ARHGEF3: variants seen among roughly 807,000 people sequenced by gnomAD.
ARHGEF3 encodes the protein 59.8 kDA protein.
In ARHGEF3, 28 loss-of-function variants were observed where a neutral mutation model predicts 63.2. The ratio of observed to expected loss-of-function variants is 0.44; its 90% CI spans 0.33 to 0.61. The LOEUF (loss-of-function observed/expected upper bound fraction) is 0.61. Ranked by LOEUF, ARHGEF3 falls within the 20% of genes least tolerant of loss-of-function variation. The probability of loss-of-function intolerance (pLI) is 0.03; values close to 1 mark genes in which losing one functional copy is unlikely to be tolerated. For missense variants in ARHGEF3, 533 were observed against 659.3 expected, an observed-to-expected ratio of 0.81 and a Z score of 2.10; for synonymous variants, 266 against 254.2, an observed-to-expected ratio of 1.05 and a Z score of -0.44.
At chr3:56,785,522 C>T (rs775887429) in intron 1 of ARHGEF3, among the ~76,000 whole-genome samples, 10 of 152,242 alleles carry the variant, frequency 6.6e-5, no homozygotes, top group Admixed American at 1.3e-4. Flanking sequence ...CAACCCATGT[C>T]GGATGTGCAA....
intron 4 of ARHGEF3, among the ~76,000 whole-genome samples, chr3:56,863,178 C>T (rs2040135880): frequency 6.6e-6 from 1 of 151,920 alleles, no homozygotes; most frequent in Admixed American, 6.6e-5. Context: ...CACTCTGTTG[C>T]CCAGGCTGGA....
At chr3:56,815,521 A>AT (rs769327489) in intron 4 of ARHGEF3, among the ~76,000 whole-genome samples, 45 of 152,214 alleles carry the variant, frequency 3.0e-4, no homozygotes, top group Non-Finnish European at 5.6e-4. Flanking sequence ...CAATGTACTC[A>AT]TTTGTCAAGA....
At chr3:56,771,082 C>T (rs2035981362) in intron 2 of ARHGEF3, among the ~76,000 whole-genome samples, 1 of 150,754 alleles carries the variant, frequency 6.6e-6, no homozygotes. Flanking sequence ...CACTGCACTC[C>T]AGCCCAGGCA....
chr3:57,077,330 C>T (rs576135274), intron 1 of ARHGEF3, among the ~76,000 whole-genome samples: 1 of 152,130 alleles, frequency 6.6e-6, no homozygotes, highest in Non-Finnish European at 1.5e-5. Context: ...GGGCAAGAAC[C>T]TCCACTTTCC....
intron 3 of ARHGEF3, among the ~76,000 whole-genome samples, chr3:56,958,414 C>T (rs1022188601): frequency 6.6e-6 from 1 of 151,662 alleles, no homozygotes; most frequent in Non-Finnish European, 1.5e-5. Flanking sequence ...CCACAACCTC[C>T]GTCTCCTGGG....
intron 1 of ARHGEF3, among the ~76,000 whole-genome samples, chr3:57,040,302 C>A (rs563403935): frequency 6.6e-6 from 1 of 150,738 alleles, no homozygotes; most frequent in South Asian, 2.1e-4. Flanking sequence ...ATGGTGAAAC[C>A]CCATCTCTAC....
At chr3:56,957,459 T>C (rs1578949257) in intron 3 of ARHGEF3, among the ~76,000 whole-genome samples, 1 of 152,332 alleles carries the variant, frequency 6.6e-6, no homozygotes, top group African/African-American at 2.4e-5. Context: ...AGGTATTCAT[T>C]CATTCCATTC....
chr3:56,828,798 C>T (rs1448127040), intron 4 of ARHGEF3, among the ~76,000 whole-genome samples: 1 of 152,156 alleles, frequency 6.6e-6, no homozygotes, highest in African/African-American at 2.4e-5. Flanking sequence ...ACATCTTTAA[C>T]CACGTGTTGC....
chr3:56,850,137 C>T (rs570868630), intron 4 of ARHGEF3, among the ~76,000 whole-genome samples: 2 of 152,162 alleles, frequency 1.3e-5, no homozygotes, highest in South Asian at 4.1e-4. Flanking sequence ...CATCATCCAT[C>T]ACATGTAGGT....
upstream of ARHGEF3, among the ~76,000 whole-genome samples, chr3:56,803,239 T>A (rs2037737999): frequency 6.6e-6 from 1 of 151,890 alleles, no homozygotes; most frequent in African/African-American, 2.4e-5. Flanking sequence ...ATAAGAAAAA[T>A]ACAGCCTGGG....
intron 1 of ARHGEF3, among the ~76,000 whole-genome samples, chr3:57,038,228 A>C (rs1704040873): frequency 6.6e-6 from 1 of 152,166 alleles, no homozygotes; most frequent in African/African-American, 2.4e-5. Flanking sequence ...GTGGTGGCTG[A>C]ATGAATGAAC....
chr3:56,931,190 G>A (rs2042399883), intron 3 of ARHGEF3, among the ~76,000 whole-genome samples: 1 of 152,150 alleles, frequency 6.6e-6, no homozygotes, highest in Non-Finnish European at 1.5e-5. Flanking sequence ...GCCTGGCAGA[G>A]GTTCTTCTTA....
At chr3:57,061,383 A>T (rs1217662079) in intron 1 of ARHGEF3, among the ~76,000 whole-genome samples, 1 of 152,124 alleles carries the variant, frequency 6.6e-6, no homozygotes, top group African/African-American at 2.4e-5. Flanking sequence ...CTGCAGCCTC[A>T]AACTCCTGGG....
At chr3:56,783,568 C>T (rs949155891) in intron 1 of ARHGEF3, among the ~76,000 whole-genome samples, 8 of 152,094 alleles carry the variant, frequency 5.3e-5, no homozygotes, top group African/African-American at 1.7e-4. Context: ...TGGGGAAATT[C>T]ATTTTTGCTG....
chr3:56,793,233 A>G (rs1296646914), intron 1 of ARHGEF3, among the ~76,000 whole-genome samples: 2 of 146,458 alleles, frequency 1.4e-5, no homozygotes, highest in Non-Finnish European at 3.0e-5. Context: ...GCAGTGGCGC[A>G]ATCTCGGCTC....
chr3:56,793,896 A>G (rs1317382523), intron 1 of ARHGEF3, among the ~76,000 whole-genome samples: 2 of 152,232 alleles, frequency 1.3e-5, no homozygotes, highest in African/African-American at 2.4e-5. Flanking sequence ...TGTCTAAAGA[A>G]GCATATTAAG....
At chr3:56,802,691 T>A (rs1170781320), upstream of ARHGEF3, among the ~76,000 whole-genome samples, 1 of 152,160 alleles carries the variant, frequency 6.6e-6, no homozygotes, top group East Asian at 1.9e-4. Flanking sequence ...CCTTCAAGTA[T>A]AAAGCTGTGC....
At chr3:56,792,353 A>G (rs1490311741) in intron 1 of ARHGEF3, among the ~76,000 whole-genome samples, 3 of 152,238 alleles carry the variant, frequency 2.0e-5, no homozygotes, top group African/African-American at 4.8e-5. Context: ...ACACTAGGGT[A>G]TTTCTGTTTG....
At chr3:56,748,573 A>G (rs929774398) in intron 6 of ARHGEF3, among the ~76,000 whole-genome samples, 1 of 141,334 alleles carries the variant, frequency 7.1e-6, no homozygotes, top group African/African-American at 2.6e-5. Flanking sequence ...TTTTGCTTCC[A>G]TGTACTCTGG....
Sources: gnomAD v4.1 joint callset for allele counts (sites outside exome capture counted in the v4.1 genomes callset) on GRCh38, gnomAD v4.1.1 for gene constraint, MANE v1.5 for transcripts, NCBI Gene and HGNC (gene_info 2026-07-23, HGNC 2026-07-21) for gene names.